The following GRID2 variants were observed in gnomAD, a reference collection of about 807,000 sequenced individuals.
The protein encoded by GRID2 is glutamate receptor ionotropic, delta-2.
In GRID2, 33 loss-of-function variants were observed where a neutral mutation model predicts 114.8. The ratio of observed to expected loss-of-function variants is 0.29; its 90% CI spans 0.22 to 0.38. The LOEUF (loss-of-function observed/expected upper bound fraction) is 0.38. Ranked by LOEUF, GRID2 falls within the 10% of genes least tolerant of loss-of-function variation. GRID2 has a pLI of 1.00. For missense variants in GRID2, 1,184 were observed against 1,257.7 expected (o/e 0.94, Z 0.89); for synonymous variants, 505 against 449.9 (o/e 1.12, Z -1.55).
chr4:92,765,623 T>C (rs1174541298), intron 2 of GRID2, among the ~76,000 whole-genome samples: 1 of 152,164 alleles, frequency 6.6e-6, no homozygotes, highest in Non-Finnish European at 1.5e-5. Context: ...CAGTGACCTG[T>C]GATACAGCCA....
chr4:92,590,245 C>G lies in GRID2; in HGVS notation c.203C>G (p.Thr68Arg). 6.2e-7 allele frequency: 1 copy of G among 1,612,846 alleles called. No homozygotes were observed. Among genetic ancestry groups the G allele is most frequent in the Non-Finnish European group, 8.5e-7 (1 of 1,178,998 alleles). ...LQTEKITFSV[T>R]FVDGNNPFQA... Reference sequence around the variant, plus strand: ...ACTGAGAAAATCACATTTTCAGTGACGTTTGTTGATGGCAACAACCCTTTC... The same window carrying G: ...ACTGAGAAAATCACATTTTCAGTGAGGTTTGTTGATGGCAACAACCCTTTC... Residue 68 changes from threonine (T) to arginine (R), a missense_variant, in exon 2 of 16, where the codon ACG (threonine) becomes AGG (arginine). Thr to Arg is a moderately conservative substitution (Grantham distance 71). Around this residue, in one of 3 missense-constraint regions of GRID2, gnomAD observed 455 missense variants for 429.5 expected, o/e 1.06. Transcript: ENST00000282020.
At chr4:93,139,201 A>G (rs1367449766) in intron 4 of GRID2, among the ~76,000 whole-genome samples, 1 of 152,212 alleles carries the variant, frequency 6.6e-6, no homozygotes, top group Non-Finnish European at 1.5e-5. Flanking sequence ...AGTAAGAGCT[A>G]TTACAATCCT....
At chr4:93,001,962 A>C (rs919629032) in intron 2 of GRID2, among the ~76,000 whole-genome samples, 2 of 151,694 alleles carry the variant, frequency 1.3e-5, no homozygotes, top group African/African-American at 4.8e-5. Context: ...ATTTTTTTTC[A>C]AGCAGTGATC....
chr4:92,840,564 A>C (rs1031292442), intron 2 of GRID2, among the ~76,000 whole-genome samples: 1 of 152,064 alleles, frequency 6.6e-6, no homozygotes, highest in African/African-American at 2.4e-5. Flanking sequence ...TTAATTCTTC[A>C]TAATTAGTAC....
chr4:92,424,794 T>C (rs577242780), intron 1 of GRID2, among the ~76,000 whole-genome samples: 29 of 151,248 alleles, frequency 1.9e-4, no homozygotes, highest in African/African-American at 7.0e-4. Context: ...AAATTGTCTA[T>C]TTACAACAGC....
chr4:93,754,830 T>C (rs1044849100), intron 14 of GRID2, among the ~76,000 whole-genome samples: 6 of 152,148 alleles, frequency 3.9e-5, no homozygotes, highest in African/African-American at 1.4e-4. Flanking sequence ...AGTGGAGAAA[T>C]AGAGGGCTTT....
intron 1 of GRID2, among the ~76,000 whole-genome samples, chr4:92,587,336 C>G (rs1214003234): frequency 6.6e-6 from 1 of 151,726 alleles, no homozygotes; most frequent in East Asian, 1.9e-4. Context: ...GATCTAGTAC[C>G]TATAGTATTG....
rs565596733 is a variant in GRID2, at chr4:92,703,120, A to G, written c.244+112834A>G. 3.3e-5 allele frequency among the ~76,000 whole-genome samples: 5 copies of G among 152,340 alleles called. No individual in the cohort carries two copies. The South Asian group carries it at 8.3e-4, about 25-fold the overall frequency. The stretch of plus-strand genomic sequence containing the variant: ...AGCAAGGAAGACTGCCTTGTAGAAC[A>G]ATCAAGGTGGAAATAACTATTTTAT... On this transcript the variant is annotated intron_variant, in intron 2 of 15. Transcript: ENST00000282020.
chr4:93,782,756 C>T (rs1734505154), intron 1 of GRID2, among the ~76,000 whole-genome samples: 2 of 152,094 alleles, frequency 1.3e-5, no homozygotes, highest in South Asian at 4.1e-4. Flanking sequence ...AAATATAAAA[C>T]AAGAAATAAG....
intron 2 of GRID2, among the ~76,000 whole-genome samples, chr4:93,050,680 C>T (rs954551429): frequency 1.5e-4 from 23 of 151,990 alleles, no homozygotes; most frequent in Non-Finnish European, 7.4e-5. Flanking sequence ...TGAATACATT[C>T]GACTATTAAA....
chr4:93,782,331 G>A (rs1271776690), intron 1 of GRID2, among the ~76,000 whole-genome samples: 1 of 151,972 alleles, frequency 6.6e-6, no homozygotes, highest in Admixed American at 6.5e-5. Flanking sequence ...ACTAAAATTA[G>A]CCCAAACATT....
intron 1 of GRID2, among the ~76,000 whole-genome samples, chr4:92,586,291 AT>A (rs1270166623): frequency 1.3e-5 from 2 of 151,452 alleles, no homozygotes; most frequent in African/African-American, 4.8e-5. Flanking sequence ...ATATTTGTGA[AT>A]GTATTTTTGG....
chr4:92,841,630 G>T (rs370078432), intron 2 of GRID2, among the ~76,000 whole-genome samples: 1 of 152,012 alleles, frequency 6.6e-6, no homozygotes, highest in African/African-American at 2.4e-5. Context: ...CAAGTAAGCT[G>T]CATTTAGATG....
intron 9 of GRID2, among the ~76,000 whole-genome samples, chr4:93,417,435 T>C (rs1580011138): frequency 1.3e-5 from 2 of 152,196 alleles, no homozygotes; most frequent in East Asian, 3.9e-4. Context: ...ATATAACATG[T>C]ATACAGAAAA....
chr4:92,506,147 G>T (rs1380741977), intron 1 of GRID2, among the ~76,000 whole-genome samples: 2 of 151,926 alleles, frequency 1.3e-5, no homozygotes, highest in African/African-American at 4.8e-5. Context: ...CTGAATTCTA[G>T]AAGTACATGT....
At chr4:92,614,269 T>C (rs999335355) in intron 2 of GRID2, among the ~76,000 whole-genome samples, 3 of 151,610 alleles carry the variant, frequency 2.0e-5, no homozygotes, top group Non-Finnish European at 4.4e-5. Flanking sequence ...CTTCCAAATA[T>C]GAATGAGAAC....
intron 1 of GRID2, among the ~76,000 whole-genome samples, chr4:92,584,926 G>A (rs1728357653): frequency 6.6e-6 from 1 of 151,916 alleles, no homozygotes; most frequent in Admixed American, 6.6e-5. Context: ...AGCATGAGAA[G>A]GTTTTCATAA....
At chr4:93,422,658 C>A in intron 9 of GRID2, 113 bp from the exon 10 acceptor site, 1 of 663,500 alleles carries the variant, frequency 1.5e-6, no homozygotes, top group Non-Finnish European at 2.6e-6. Flanking sequence ...TGAGTTGATT[C>A]TTTCAAAGTA....
intron 1 of GRID2, among the ~76,000 whole-genome samples, chr4:92,395,218 C>T (rs572828114): frequency 1.3e-3 from 201 of 151,478 alleles, no homozygotes; most frequent in African/African-American, 4.6e-3. Context: ...TACAATAAAA[C>T]ATAGAATTAA....
Sources: allele counts gnomAD v4.1 joint callset (sites outside exome capture counted in the v4.1 genomes callset), GRCh38; gene constraint gnomAD v4.1.1; regional missense constraint gnomAD v4.1.1; transcripts MANE v1.5; gene names NCBI Gene and HGNC (gene_info 2026-07-23, HGNC 2026-07-21).